Variants in LY75 observed in about 807,000 individuals in gnomAD.
The protein encoded by LY75 is lymphocyte antigen 75, also known as C-type lectin domain family 13 member B.
In LY75, 185 loss-of-function variants were observed where a neutral mutation model predicts 231.7. The observed-to-expected ratio is 0.80, with a 90% CI of 0.71 to 0.90. The LOEUF is 0.90. Ranked by LOEUF, LY75 falls within the 40% of genes least tolerant of loss-of-function variation. The pLI is 0.00. For missense variants in LY75, 1,947 were observed against 2,050.2 expected (o/e 0.95, Z 0.97); for synonymous variants, 668 against 689.0 (o/e 0.97, Z 0.48).
At chr2:159,814,426 A>G (rs574758488) in intron 31 of LY75, among the ~76,000 whole-genome samples, 16 of 152,262 alleles carry the variant, frequency 1.1e-4, no homozygotes, top group African/African-American at 3.6e-4. Flanking sequence ...AAACAGGAGG[A>G]TTGTTTGAGC....
intron 28 of LY75, among the ~76,000 whole-genome samples, chr2:159,830,276 G>T (rs893433485): frequency 2.9e-4 from 44 of 152,238 alleles, no homozygotes; most frequent in African/African-American, 9.9e-4. Context: ...GAGTAATTTA[G>T]CTTCTTTTCC....
At chr2:159,820,661 T>G (rs1450929953) in intron 28 of LY75, among the ~76,000 whole-genome samples, 1 of 152,204 alleles carries the variant, frequency 6.6e-6, no homozygotes, top group Non-Finnish European at 1.5e-5. Flanking sequence ...CCACCACCTG[T>G]TCCCCAAAAA....
chr2:159,812,794 A>G (rs1018076943), intron 31 of LY75, among the ~76,000 whole-genome samples: 2 of 152,004 alleles, frequency 1.3e-5, no homozygotes, highest in African/African-American at 4.8e-5. Context: ...CCATCTCTAA[A>G]ATTTTTTATC....
intron 28 of LY75, among the ~76,000 whole-genome samples, chr2:159,824,767 C>A (rs1313404822): frequency 6.6e-6 from 1 of 152,118 alleles, no homozygotes; most frequent in African/African-American, 2.4e-5. Flanking sequence ...TCTCTCATAC[C>A]ACAGTGCAAT....
At chr2:159,808,384 C>T (rs116541021) in intron 33 of LY75, 65 bp downstream of exon 33, 521 of 1,610,036 alleles carry the variant, frequency 3.2e-4, no homozygotes, top group Non-Finnish European at 4.2e-4. Context: ...TTAGCAAGGA[C>T]GACTTGTTAT....
chr2:159,897,097 A>G (rs1191953248), intron 2 of LY75, among the ~76,000 whole-genome samples: 1 of 152,194 alleles, frequency 6.6e-6, no homozygotes, highest in Admixed American at 6.5e-5. Flanking sequence ...GAAGAACATT[A>G]GAAATGCATA....
intron 13 of LY75, among the ~76,000 whole-genome samples, chr2:159,869,585 C>A (rs1177904040): frequency 1.3e-5 from 2 of 152,200 alleles, no homozygotes; most frequent in Non-Finnish European, 2.9e-5. Context: ...CAGCCTGTAT[C>A]TTAGTAGGGC....
intron 4 of LY75, among the ~76,000 whole-genome samples, chr2:159,889,651 T>C (rs942550084): frequency 3.9e-5 from 6 of 152,224 alleles, no homozygotes; most frequent in Non-Finnish European, 8.8e-5. Context: ...TTTTAAAGTT[T>C]TTATTTATTC....
In LY75 at chr2:159,810,592, G is replaced by C. The variant is rs779851460; in HGVS notation, c.4633C>G (p.His1545Asp). ...NGSRWIQYKG[H>D]CYKSDQALHS... is the part of the protein sequence containing the mutation. The stretch of plus-strand genomic sequence containing the variant: ...AATGCCTGATCAGACTTGTAACAGT[G>C]ACCCTTGTACTGGATCCACCGTGAC... The change falls in exon 32 of 35, where the codon CAC becomes GAC. Residue 1545 changes from histidine to aspartate, a missense_variant. Coordinates refer to ENST00000263636, the MANE Select transcript of LY75 (RefSeq NM_002349.4). The C allele has an allele frequency of 6.2e-7, 1 of 1,614,014 alleles. No individual in the cohort carries two copies. The highest frequency in any genetic ancestry group is 2.2e-5 in the East Asian group (1 of 44,870).
chr2:159,835,311 T>C (rs1683785116), intron 26 of LY75, among the ~76,000 whole-genome samples, 169 bp downstream of exon 26: 1 of 152,194 alleles, frequency 6.6e-6, no homozygotes, highest in Non-Finnish European at 1.5e-5. Flanking sequence ...ATATGTAATA[T>C]ATAATTCTAC....
intron 31 of LY75, among the ~76,000 whole-genome samples, chr2:159,814,419 CAGG>C (rs1228178039): frequency 6.6e-6 from 1 of 151,964 alleles, no homozygotes; most frequent in Admixed American, 6.6e-5. Flanking sequence ...GAGGCTGAAA[CAGG>C]AGGATTGTTT....
chr2:159,887,782 A>C (rs953593053), intron 4 of LY75, among the ~76,000 whole-genome samples: 1 of 152,142 alleles, frequency 6.6e-6, no homozygotes, highest in Non-Finnish European at 1.5e-5. Context: ...ATGTCCGGCC[A>C]GGAGTAGGGT....
Position 159,842,527 on chromosome 2 carries a change from C to A in LY75, c.3151-153G>T, listed in dbSNP as rs564720057. On this transcript the variant is annotated intron_variant, in intron 23 of 34. Transcript: ENST00000263636. ...ACATTTCCTAGAAAATCTTTAAAAA[C>A]TTTCAAAGCATGGATAAAGGGCAAT... The A allele has an allele frequency of 6.6e-6, 5 of 762,002 alleles. No homozygotes were observed. In the South Asian group the frequency reaches 3.0e-4, roughly 46 times the overall value. The allele number at this position is 762,002 out of a possible 1,614,324, so 47.2% of individuals were successfully genotyped here.
intron 21 of LY75, 146 bp downstream of exon 21, chr2:159,852,055 T>C: frequency 8.3e-7 from 1 of 1,201,196 alleles, no homozygotes; most frequent in Non-Finnish European, 1.1e-6. Context: ...CCACGGTTTC[T>C]GGCAACACAG....
chr2:159,809,571 A>G (rs2125827149), intron 32 of LY75, among the ~76,000 whole-genome samples: 1 of 152,326 alleles, frequency 6.6e-6, no homozygotes, highest in South Asian at 2.1e-4. Context: ...ATATCTAGCT[A>G]TAGGTAAAAC....
chr2:159,850,013 T>C lies in LY75; in HGVS notation c.3117A>G (p.Leu1039=), dbSNP rs1210878853. The C allele has an allele frequency of 3.1e-6, 5 of 1,613,712 alleles. No homozygotes were observed. The African/African-American group carries it at 6.7e-5, about 22-fold the overall frequency. The change falls in exon 23 of 35, where the codon TTA becomes TTG. Residue 1039 remains leucine, a synonymous_variant. Coordinates refer to ENST00000263636, the MANE Select transcript of LY75 (RefSeq NM_002349.4). ...RELTYSNFHP[L]LVSGRLRIPE... ...GTATTCTCAGCCTCCCACTAACCAA[T>C]AATGGGTGAAAGTTACTGTACGTCA...
At chr2:159,876,775 G>A (rs1469049040) in intron 11 of LY75, among the ~76,000 whole-genome samples, 1 of 152,020 alleles carries the variant, frequency 6.6e-6, no homozygotes, top group Non-Finnish European at 1.5e-5. Context: ...GGAGGCTGAG[G>A]TGGGTAGATC....
intron 13 of LY75, among the ~76,000 whole-genome samples, chr2:159,869,293 T>G (rs1344292747): frequency 6.7e-6 from 1 of 148,940 alleles, no homozygotes; most frequent in Non-Finnish European, 1.5e-5. Context: ...GAACTTAAAG[T>G]ATAATAATAA....
intron 2 of LY75, 69 bp downstream of exon 2, chr2:159,898,619 T>C (rs1685970653): frequency 6.5e-7 from 1 of 1,547,310 alleles, no homozygotes; most frequent in Non-Finnish European, 8.7e-7. Context: ...TTTACTAAAT[T>C]GTGCATGTTT....
Sources: allele counts gnomAD v4.1 joint callset (sites outside exome capture counted in the v4.1 genomes callset), GRCh38; gene constraint gnomAD v4.1.1; transcripts MANE v1.5; gene names NCBI Gene and HGNC (gene_info 2026-07-23, HGNC 2026-07-21).